Variants in CHST8 observed in about 807,000 individuals in gnomAD.
CHST8 encodes the protein carbohydrate sulfotransferase 8.
A neutral mutation model predicts 15.0 loss-of-function variants in CHST8; 10 were observed. The ratio of observed to expected loss-of-function variants is 0.67; its 90% CI spans 0.41 to 1.13. The LOEUF is 1.13. Among genes scored for constraint, CHST8 ranks in the 50% most tolerant of loss-of-function variants. The pLI, the probability that CHST8 is intolerant of heterozygous loss-of-function variation, is 0.00. For synonymous variants in CHST8, 259 were observed against 256.6 expected, an observed-to-expected ratio of 1.01 and a Z score of -0.09; for missense variants, 634 against 608.2, an observed-to-expected ratio of 1.04 and a Z score of -0.45.
Position 33,773,020 on chromosome 19 carries a change from A to G in CHST8, c.1232A>G (p.Tyr411Cys), listed in dbSNP as rs1975044069. Residue 411 changes from tyrosine (Y) to cysteine (C), a missense_variant, in exon 5 of 5, where the codon TAC (tyrosine) becomes TGC (cysteine). Tyr to Cys is a radical substitution (Grantham distance 194). Transcript: ENST00000650847. ...ACCTACGACTTCTACTACATGGATT[A>G]CCTGATGTTCAACTATTCCAAGCCC... ...QRTYDFYYMDYLMFNYSKPFA... is the reference protein window; with the variant it reads ...QRTYDFYYMDCLMFNYSKPFA... 1 of 1,611,584 alleles carries G rather than the reference A, an allele frequency of 6.2e-7. No individual in the cohort carries two copies. Among genetic ancestry groups the G allele is most frequent in the Non-Finnish European group, 8.5e-7 (1 of 1,179,932 alleles).
chr19:33,678,923 C>A (rs1349589371), intron 2 of CHST8, among the ~76,000 whole-genome samples: 1 of 152,174 alleles, frequency 6.6e-6, no homozygotes, highest in Non-Finnish European at 1.5e-5. Context: ...CTTCGTTGTC[C>A]TTTTACTAGC....
intron 3 of CHST8, among the ~76,000 whole-genome samples, chr19:33,744,906 A>T (rs913382499): frequency 6.6e-6 from 1 of 151,796 alleles, no homozygotes; most frequent in Non-Finnish European, 1.5e-5. Context: ...CTGCCACCAC[A>T]CTCGGCTAAT....
chr19:33,643,770 TG>T (rs1972314453), intron 1 of CHST8, among the ~76,000 whole-genome samples: 1 of 152,208 alleles, frequency 6.6e-6, no homozygotes, highest in South Asian at 2.1e-4. Flanking sequence ...GATTCTTGTG[TG>T]ATATCACATT....
rs373932408 is a variant in CHST8, at chr19:33,771,450, C to T, written c.168C>T (p.His56=). The T allele has an allele frequency of 1.0e-4, 165 of 1,614,070 alleles. 3 individuals are homozygous for T. The South Asian group carries it at 1.7e-3, about 16-fold the overall frequency. The stretch of plus-strand genomic sequence containing the variant: ...ACATCAGGCCAAGGCAGCCCCACCA[C>T]GTAAGTTCTGAGAGTCAGATAAATC... ...KFNIRPRQPH[H]DLPPGGSQDG... Residue 56 remains histidine, a splice_region_variant and synonymous_variant, in exon 4 of 5, where the codon CAC becomes CAT. Coordinates refer to ENST00000650847, the MANE Select transcript of CHST8 (RefSeq NM_001127895.2).
At chr19:33,684,906 T>G (rs1437597339) in intron 2 of CHST8, 4 of 152,172 alleles carry the variant, frequency 2.6e-5, no homozygotes, top group Non-Finnish European at 5.9e-5. Context: ...TAGCAGCCTC[T>G]CTCCCAACAA....
At chr19:33,712,543 T>A (rs774258502) in intron 3 of CHST8, among the ~76,000 whole-genome samples, 1 of 152,144 alleles carries the variant, frequency 6.6e-6, no homozygotes, top group Non-Finnish European at 1.5e-5. Flanking sequence ...CCTTGATAAG[T>A]AGGTCATTTG....
rs1474342957 is a variant in CHST8 at position 33,757,417 on chromosome 19, A to C, written c.131-13996A>C. 4.7e-4 allele frequency among the ~76,000 whole-genome samples: 4 copies of C among 8,574 alleles called. 1 individual carries two copies. The highest frequency in any genetic ancestry group is 1.0e-3 in the Non-Finnish European group (4 of 3,862). The allele number at this position is 8,574 out of a possible 152,430, so 5.6% of individuals were successfully genotyped here. On this transcript the variant is annotated intron_variant, in intron 3 of 4. Coordinates refer to ENST00000650847, the MANE Select transcript of CHST8 (RefSeq NM_001127895.2). ...AAGAAAGAAAGAAAGAAAGAAAGAAAGAAAGAAAGAAAGAAAGAAAGAAAG... is the reference window on the plus strand; with the variant it reads ...AAGAAAGAAAGAAAGAAAGAAAGAACGAAAGAAAGAAAGAAAGAAAGAAAG...
intron 3 of CHST8, among the ~76,000 whole-genome samples, chr19:33,770,254 C>T (rs534323956): frequency 6.6e-6 from 1 of 152,208 alleles, no homozygotes; most frequent in South Asian, 2.1e-4. Context: ...GACACTGGAA[C>T]CCCCCTCCCG....
chr19:33,713,721 C>T (rs111696317), intron 3 of CHST8, among the ~76,000 whole-genome samples: 2,858 of 152,180 alleles, frequency 0.019, 38 homozygotes, highest in Non-Finnish European at 0.029. Context: ...CCACCACGCC[C>T]GGCTAATTTT....
chr19:33,771,222 C>A (rs111246865), intron 3 of CHST8, among the ~76,000 whole-genome samples, 191 bp from the exon 4 acceptor site: 2 of 152,126 alleles, frequency 1.3e-5, no homozygotes, highest in Non-Finnish European at 2.9e-5. Context: ...ATGTTTGCTG[C>A]GTCCCCATTT....
rs1972884863 is a variant in CHST8, at chr19:33,681,266, GGGA to G, written c.-86-7907_-86-7905del. ...GCCCAGGTGGAACTCACCTCAGCCA[GGGA>G]GGCCTCAGGGGAGCACAGCTTTGCA... On this transcript the variant is annotated intron_variant, in intron 2 of 4. Coordinates refer to ENST00000650847, the MANE Select transcript of CHST8 (RefSeq NM_001127895.2). Among the ~76,000 whole-genome samples, 3 of 152,320 alleles carry G rather than the reference GGGA, an allele frequency of 2.0e-5. No individual in the cohort carries two copies. In the South Asian group the frequency reaches 6.2e-4, roughly 32 times the overall value.
At position 33,772,726 on chromosome 19, in the gene CHST8, A is replaced by C; in HGVS notation, c.938A>C (p.Gln313Pro). 1 of 1,613,418 alleles carries C rather than the reference A, an allele frequency of 6.2e-7. No individual in the cohort carries two copies. Among genetic ancestry groups the C allele is most frequent in the Non-Finnish European group, 8.5e-7 (1 of 1,179,972 alleles). Residue 313 changes from glutamine to proline, a missense_variant, in exon 5 of 5, where the codon CAG (glutamine) becomes CCG (proline). Coordinates refer to ENST00000650847, the MANE Select transcript of CHST8 (RefSeq NM_001127895.2). ...GSGVRFPEFV[Q>P]YLLDVHRPVG... is the part of the protein sequence containing the mutation. ...GGGGTGCGTTTTCCCGAGTTCGTCC[A>C]GTACCTGCTGGACGTGCACCGGCCC...
chr19:33,739,261 T>TC (rs1213800855), intron 3 of CHST8, among the ~76,000 whole-genome samples: 4 of 151,734 alleles, frequency 2.6e-5, no homozygotes. Flanking sequence ...TTGACCTCTC[T>TC]CCCCCCTCCT....
chr19:33,746,233 T>G (rs1057129938), intron 3 of CHST8, among the ~76,000 whole-genome samples: 4 of 152,190 alleles, frequency 2.6e-5, no homozygotes, highest in African/African-American at 9.7e-5. Flanking sequence ...TTGATTGAGG[T>G]GTAATTTATA....
chr19:33,702,374 C>T (rs1161449310), intron 3 of CHST8, among the ~76,000 whole-genome samples: 2 of 152,252 alleles, frequency 1.3e-5, no homozygotes, highest in Non-Finnish European at 2.9e-5. Context: ...CCTCAAACTC[C>T]TCGATATTTC....
chr19:33,642,541 T>A (rs1972297786), intron 1 of CHST8, among the ~76,000 whole-genome samples: 1 of 152,044 alleles, frequency 6.6e-6, no homozygotes, highest in South Asian at 2.1e-4. Context: ...TTTTGTATTT[T>A]TAGTGGAGAT....
At chr19:33,734,760 G>A (rs968194159) in intron 3 of CHST8, among the ~76,000 whole-genome samples, 1 of 152,154 alleles carries the variant, frequency 6.6e-6, no homozygotes, top group Non-Finnish European at 1.5e-5. Flanking sequence ...ACTCCCACTG[G>A]GCCCAGCATA....
intron 3 of CHST8, among the ~76,000 whole-genome samples, chr19:33,722,501 T>A (rs1460474374): frequency 6.6e-6 from 1 of 152,178 alleles, no homozygotes; most frequent in Non-Finnish European, 1.5e-5. Context: ...AAGCTCAACA[T>A]CATCTCCAGA....
intron 1 of CHST8, among the ~76,000 whole-genome samples, chr19:33,661,796 T>G (rs1972588324): frequency 7.2e-6 from 1 of 139,192 alleles, no homozygotes; most frequent in African/African-American, 2.7e-5. Context: ...TTTGGGAGGC[T>G]GGGGTGGGTG....
Sources: allele counts gnomAD v4.1 joint callset (sites outside exome capture counted in the v4.1 genomes callset), GRCh38; gene constraint gnomAD v4.1.1; transcripts MANE v1.5; gene names NCBI Gene and HGNC (gene_info 2026-07-23, HGNC 2026-07-21).